TMEM242: variants seen among roughly 807,000 people sequenced by gnomAD.
TMEM242 encodes the protein transmembrane protein 242, also known as UPF0463 transmembrane protein C6orf35.
TMEM242 carries 10 observed loss-of-function variants against 18.2 expected under a neutral mutation model. That is an observed-to-expected ratio of 0.55 (90% confidence interval 0.34 to 0.93). The LOEUF (loss-of-function observed/expected upper bound fraction) is 0.93, where lower values mean the gene tolerates loss of function less well. Among genes scored for constraint, TMEM242 ranks in the 40% least tolerant of loss-of-function variants. The pLI is 0.02. For synonymous variants in TMEM242, 57 were observed against 69.9 expected (o/e 0.81, Z 0.92); for missense variants, 186 against 175.5 (o/e 1.06, Z -0.34).
chr6:157,294,347 C>CT (rs587765277), intron 3 of TMEM242, among the ~76,000 whole-genome samples: 5,092 of 115,232 alleles, frequency 0.044, 329 homozygotes, highest in East Asian at 0.13. Flanking sequence ...CAAGTCATTT[C>CT]TTTTTTTTTT....
At chr6:157,320,620 G>C (rs782809674) in intron 2 of TMEM242, among the ~76,000 whole-genome samples, 3 of 152,096 alleles carry the variant, frequency 2.0e-5, no homozygotes, top group Admixed American at 6.6e-5. Context: ...ACAGGTGCAT[G>C]CCACCATGCC....
At chr6:157,310,426 CAT>C (rs1777988815) in intron 3 of TMEM242, among the ~76,000 whole-genome samples, 2 of 85,454 alleles carry the variant, frequency 2.3e-5, no homozygotes, top group Non-Finnish European at 5.3e-5. Context: ...CTGGCCTCAT[CAT>C]AGTGTCCCAG....
chr6:157,314,428 C>CT (rs1427652382), intron 3 of TMEM242, among the ~76,000 whole-genome samples: 1 of 152,160 alleles, frequency 6.6e-6, no homozygotes, highest in Non-Finnish European at 1.5e-5. Context: ...AAATGTTCAT[C>CT]TTTTTTTCCA....
chr6:157,304,674 T>C (rs1554247790), intron 3 of TMEM242, among the ~76,000 whole-genome samples: 1 of 152,110 alleles, frequency 6.6e-6, no homozygotes, highest in African/African-American at 2.4e-5. Context: ...TGAAGACTGA[T>C]AAAACAAGAC....
Position 157,294,352 on chromosome 6 carries a change from T to C in TMEM242, c.328-1353A>G, listed in dbSNP as rs952552816. 8.9e-5 allele frequency among the ~76,000 whole-genome samples: 13 copies of C among 146,064 alleles called. 1 individual carries two copies. Among genetic ancestry groups the C allele is most frequent in the Admixed American group, 2.7e-4 (4 of 14,786 alleles). On this transcript the variant is annotated intron_variant, in intron 3 of 3. Coordinates refer to ENST00000400788, the MANE Select transcript of TMEM242 (RefSeq NM_018452.6). Reference sequence around the variant, plus strand: ...ATGCAACATGCAAGTCATTTCTTTTTTTTTTTTTTTTTTTTTGAGACGGAG... The same window carrying C: ...ATGCAACATGCAAGTCATTTCTTTTCTTTTTTTTTTTTTTTTGAGACGGAG...
At position 157,291,802 on chromosome 6, in the gene TMEM242, T is replaced by C. The variant is rs890296886; in HGVS notation, c.*1099A>G. On this transcript the variant is annotated 3_prime_UTR_variant, in exon 4 of 4. Coordinates refer to ENST00000400788, the MANE Select transcript of TMEM242 (RefSeq NM_018452.6). The stretch of plus-strand genomic sequence containing the variant: ...TTCAAATGTCCTTTATTAAACCTGA[T>C]TGCTGACTAATTAGAGCCTAGGCAA... 6.6e-6 allele frequency: 1 copy of C among 152,268 alleles called. No individual in the cohort carries two copies. Among genetic ancestry groups the C allele is most frequent in the East Asian group, 1.9e-4 (1 of 5,208 alleles). 9.4% of individuals were successfully genotyped at this position (152,268 alleles called of 1,614,324 possible).
chr6:157,306,989 C>T (rs1777925308), intron 3 of TMEM242, among the ~76,000 whole-genome samples: 1 of 152,184 alleles, frequency 6.6e-6, no homozygotes, highest in Non-Finnish European at 1.5e-5. Context: ...GAGAGAACAT[C>T]ATTTTCTGAT....
rs374952441 is a variant in TMEM242 at position 157,318,768 on chromosome 6, C to T, written c.327+14G>A. 99 of 1,613,716 alleles carry T rather than the reference C, an allele frequency of 6.1e-5. No homozygotes were observed. The highest frequency in any genetic ancestry group is 5.2e-4 in the Admixed American group (31 of 59,958). ...AAACATGTAGATACCAGGGACAAGA[C>T]AGTAGTTACTTACACTGTGAACTCC... On this transcript the variant is annotated intron_variant, in intron 3 of 3. Coordinates refer to ENST00000400788, the MANE Select transcript of TMEM242 (RefSeq NM_018452.6).
intron 3 of TMEM242, among the ~76,000 whole-genome samples, chr6:157,306,099 G>A (rs974458944): frequency 6.6e-6 from 1 of 152,198 alleles, no homozygotes; most frequent in Non-Finnish European, 1.5e-5. Flanking sequence ...GATAACGATG[G>A]GAGCAAGGTC....
At chr6:157,318,521 C>T (rs1778443253) in intron 3 of TMEM242, 1 of 469,274 alleles carries the variant, frequency 2.1e-6, no homozygotes, top group Non-Finnish European at 3.7e-6. Context: ...CTGCACTCGC[C>T]CTAATGTCAA....
intron 3 of TMEM242, chr6:157,299,780 A>G (rs1187570988): frequency 1.3e-5 from 21 of 1,603,452 alleles, no homozygotes; most frequent in Non-Finnish European, 1.7e-5. Context: ...GCTACAAACA[A>G]TATTTGGCGT....
At chr6:157,311,227 C>G (rs1583565167) in intron 3 of TMEM242, among the ~76,000 whole-genome samples, 1 of 110,398 alleles carries the variant, frequency 9.1e-6, no homozygotes, top group South Asian at 2.4e-4. Context: ...CTCACCTAGC[C>G]TCATCATAGT....
Position 157,323,443 on chromosome 6 carries a change from C to T in TMEM242, c.57G>A (p.Gly19=). 6.2e-7 allele frequency: 1 copy of T among 1,614,122 alleles called. No homozygotes were observed. Residue 19 remains glycine, a synonymous_variant, in exon 1 of 4, where the codon GGG becomes GGA. Transcript: ENST00000400788. ...GQPASGLEAP[G]STNDRLFLVK... is the part of the protein sequence containing the mutation. ...CCAGGAAAAGCCGGTCATTCGTGGA[C>T]CCCGGAGCCTCCAGCCCAGAGGCCG...
At chr6:157,311,350 G>A (rs201872986) in intron 3 of TMEM242, among the ~76,000 whole-genome samples, 19 of 133,696 alleles carry the variant, frequency 1.4e-4, no homozygotes, top group Non-Finnish European at 2.7e-4. Flanking sequence ...GTCCCAGTGT[G>A]CGCTCACCTA....
intron 3 of TMEM242, among the ~76,000 whole-genome samples, chr6:157,312,131 TGCGCTC>T (rs1778157053): frequency 7.1e-6 from 1 of 141,774 alleles, no homozygotes; most frequent in Non-Finnish European, 1.5e-5. Flanking sequence ...TGTCCCAGTG[TGCGCTC>T]ACCTGGCCTC....
At chr6:157,317,976 A>G (rs1778434803) in intron 3 of TMEM242, among the ~76,000 whole-genome samples, 1 of 152,238 alleles carries the variant, frequency 6.6e-6, no homozygotes, top group Non-Finnish European at 1.5e-5. Context: ...AGTTGTTTAA[A>G]AAAAGAAGGC....
At chr6:157,314,866 T>G (rs1554250189) in intron 3 of TMEM242, among the ~76,000 whole-genome samples, 1 of 152,254 alleles carries the variant, frequency 6.6e-6, no homozygotes, top group African/African-American at 2.4e-5. Context: ...GGCCAGCAGA[T>G]GTAGCTGCGA....
In TMEM242 at chr6:157,313,116, T is replaced by G. The variant is rs1778245316; in HGVS notation, c.327+5666A>C. Among the ~76,000 whole-genome samples, 2 of 148,024 alleles carry G rather than the reference T, an allele frequency of 1.4e-5. 1 individual carries two copies. On this transcript the variant is annotated intron_variant, in intron 3 of 3. Transcript: ENST00000400788. ...CTCATCAAAGTGTCCCAGTGTGTGC[T>G]CACCCGGCCTCATCATAGTGTCCCA...
At chr6:157,312,074 AGCCTCAACATAGTG>A (rs1778150456) in intron 3 of TMEM242, among the ~76,000 whole-genome samples, 1 of 34,936 alleles carries the variant, frequency 2.9e-5, no homozygotes, top group Non-Finnish European at 5.5e-5. Context: ...GCGCTCACCT[AGCCTCAACATAGTG>A]CCCTAGTGTC....
Sources: allele counts gnomAD v4.1 joint callset (sites outside exome capture counted in the v4.1 genomes callset), GRCh38; gene constraint gnomAD v4.1.1; transcripts MANE v1.5; gene names NCBI Gene and HGNC (gene_info 2026-07-23, HGNC 2026-07-21).